The following CCDC171 variants were observed in gnomAD, a reference collection of about 807,000 sequenced individuals.
The protein encoded by CCDC171 is coiled-coil domain-containing protein 171.
Under a neutral mutation model 168.2 loss-of-function variants are expected in CCDC171, and 177 were observed. The ratio of observed to expected loss-of-function variants is 1.05; its 90% CI spans 0.93 to 1.19. The LOEUF is 1.19. CCDC171 is among the 50% of genes most tolerant of loss of function. The pLI is 0.00. For synonymous variants in CCDC171, 687 were observed against 540.8 expected (o/e 1.27, Z -3.75); for missense variants, 1,991 against 1,539.0 (o/e 1.29, Z -4.91).
chr9:15,998,363 A>G (rs1325060681), intron 3 of CCDC171, among the ~76,000 whole-genome samples: 4 of 152,052 alleles, frequency 2.6e-5, no homozygotes, highest in Non-Finnish European at 5.9e-5. Flanking sequence ...ATGAGATATG[A>G]TCAGTGGATC....
chr9:15,699,427 G>A (rs972460063), intron 11 of CCDC171, among the ~76,000 whole-genome samples: 8 of 152,166 alleles, frequency 5.3e-5, no homozygotes, highest in African/African-American at 7.2e-5. Context: ...GGACCCGAGC[G>A]GGTTGCCACT....
chr9:15,810,595 G>A (rs536211554), intron 21 of CCDC171, among the ~76,000 whole-genome samples: 4 of 152,280 alleles, frequency 2.6e-5, no homozygotes, highest in Non-Finnish European at 4.4e-5. Flanking sequence ...CGGTGCGGGC[G>A]GGCCGGCAGT....
At chr9:15,930,395 A>T (rs945584113) in intron 25 of CCDC171, among the ~76,000 whole-genome samples, 6 of 151,350 alleles carry the variant, frequency 4.0e-5, no homozygotes, top group African/African-American at 1.5e-4. Context: ...TCTTCTCACT[A>T]CTTTTCCTAA....
At chr9:15,781,863 A>C (rs2057685643) in intron 20 of CCDC171, among the ~76,000 whole-genome samples, 1 of 152,194 alleles carries the variant, frequency 6.6e-6, no homozygotes, top group Non-Finnish European at 1.5e-5. Flanking sequence ...ATTATCTCAC[A>C]TACTATTATT....
At chr9:15,563,471 G>C (rs900920475) in intron 1 of CCDC171, among the ~76,000 whole-genome samples, 3 of 151,910 alleles carry the variant, frequency 2.0e-5, no homozygotes, top group African/African-American at 4.8e-5. Context: ...TGGTTTTCTT[G>C]GTAGAAAAAT....
rs117964971 is a variant in CCDC171, at chr9:15,971,022, A to T, written c.3754-587A>T. ...ACCTAAAATAATAAAGTTGAAAGAA[A>T]AAACAGGGTGGTGGCATTATTATTA... is the stretch of plus-strand genomic sequence containing the variant. On this transcript the variant is annotated intron_variant, in intron 25 of 25. Transcript: ENST00000380701. Among the ~76,000 whole-genome samples the T allele has an allele frequency of 5.3e-3, 808 of 152,280 alleles. 4 individuals are homozygous for T. Among genetic ancestry groups the T allele is most frequent in the Middle Eastern group, 0.01 (3 of 294 alleles).
At chr9:15,970,657 A>G (rs1172353124) in intron 25 of CCDC171, among the ~76,000 whole-genome samples, 4 of 152,222 alleles carry the variant, frequency 2.6e-5, no homozygotes, top group Non-Finnish European at 4.4e-5. Flanking sequence ...TATTAATTCT[A>G]CTGTCCAGTA....
intron 21 of CCDC171, among the ~76,000 whole-genome samples, chr9:15,787,300 G>A (rs1360028285): frequency 1.3e-5 from 2 of 151,484 alleles, no homozygotes; most frequent in African/African-American, 2.4e-5. Flanking sequence ...TCACCTTGCT[G>A]TGCAATAGAT....
At chr9:15,881,417 G>T (rs1563929933) in intron 24 of CCDC171, among the ~76,000 whole-genome samples, 1 of 152,074 alleles carries the variant, frequency 6.6e-6, no homozygotes, top group Non-Finnish European at 1.5e-5. Context: ...AATTTGTAAA[G>T]TTCAAATCAG....
rs563553600 is a variant in CCDC171, at chr9:15,916,408, A to G, written c.3601-3862A>G. ...TTGGCATATGTGTTTTACACAATAT[A>G]TTTACGTAAGATATAGAAATGAAGT... On this transcript the variant is annotated intron_variant, in intron 24 of 25. Transcript: ENST00000380701. 9.3e-3 allele frequency among the ~76,000 whole-genome samples: 578 copies of G among 61,936 alleles called. 6 individuals are homozygous for G. The highest frequency in any genetic ancestry group is 0.019 in the African/African-American group (561 of 30,066). The allele number at this position is 61,936 out of a possible 152,430, so 40.6% of individuals were successfully genotyped here. A position where few individuals can be genotyped will look rare whatever the true frequency, so the allele number is the denominator to read the frequency against.
intron 25 of CCDC171, among the ~76,000 whole-genome samples, chr9:15,946,908 A>G (rs370999657): frequency 6.6e-6 from 1 of 152,118 alleles, no homozygotes; most frequent in Middle Eastern, 3.4e-3. Context: ...TGACGGGGAG[A>G]TAGCACTTTT....
At chr9:15,780,843 C>T (rs377694256) in intron 20 of CCDC171, among the ~76,000 whole-genome samples, 45 of 146,878 alleles carry the variant, frequency 3.1e-4, no homozygotes, top group East Asian at 5.9e-4. Context: ...TGAGTATTTC[C>T]CTTTTCTTAG....
chr9:15,663,015 AC>A (rs2048442878), intron 8 of CCDC171, among the ~76,000 whole-genome samples: 2 of 148,372 alleles, frequency 1.3e-5, no homozygotes, highest in Non-Finnish European at 3.0e-5. Flanking sequence ...AACAACAACA[AC>A]AACAACAAAT....
intron 6 of CCDC171, among the ~76,000 whole-genome samples, chr9:15,603,849 A>G (rs2043038258): frequency 6.6e-6 from 1 of 152,210 alleles, no homozygotes; most frequent in Non-Finnish European, 1.5e-5. Flanking sequence ...CAATGGTTGA[A>G]GTAATTTACA....
At chr9:15,944,684 T>A (rs1828097373) in intron 25 of CCDC171, among the ~76,000 whole-genome samples, 1 of 152,018 alleles carries the variant, frequency 6.6e-6, no homozygotes, top group Non-Finnish European at 1.5e-5. Context: ...CCTGTTATTA[T>A]TGTTAATGCC....
intron 23 of CCDC171, among the ~76,000 whole-genome samples, chr9:15,865,225 C>T (rs1366896988): frequency 6.6e-6 from 1 of 151,934 alleles, no homozygotes; most frequent in Admixed American, 6.6e-5. Context: ...AAACCTAGAA[C>T]CCATCATGAA....
chr9:15,653,342 A>T (rs1435638260), intron 7 of CCDC171, among the ~76,000 whole-genome samples: 1 of 151,894 alleles, frequency 6.6e-6, no homozygotes, highest in South Asian at 2.1e-4. Context: ...GTGCTTCACC[A>T]TGTTGCCCAG....
rs188640431 is a variant in CCDC171 at position 15,769,953 on chromosome 9, T to C, written c.2672-7647T>C. ...AACCATGGATTCATAGTTCTTTCCT[T>C]TCCAATACAAATTGCATTGAATATG... is the stretch of plus-strand genomic sequence containing the variant. On this transcript the variant is annotated intron_variant, in intron 18 of 25. Coordinates refer to ENST00000380701, the MANE Select transcript of CCDC171 (RefSeq NM_173550.4). 4.7e-4 allele frequency among the ~76,000 whole-genome samples: 72 copies of C among 152,320 alleles called. 1 individual carries two copies. In the East Asian group the frequency reaches 8.5e-3, roughly 18 times the overall value.
intron 24 of CCDC171, among the ~76,000 whole-genome samples, chr9:15,900,664 T>G (rs776456347): frequency 5.3e-5 from 8 of 152,222 alleles, no homozygotes; most frequent in Non-Finnish European, 1.2e-4. Flanking sequence ...GAGGTGCTGC[T>G]TTTATGCTTC....
Sources: gnomAD v4.1 joint callset for allele counts (sites outside exome capture counted in the v4.1 genomes callset) on GRCh38, gnomAD v4.1.1 for gene constraint, MANE v1.5 for transcripts, NCBI Gene and HGNC (gene_info 2026-07-23, HGNC 2026-07-21) for gene names.